Variants in PGM1 observed in about 807,000 individuals in gnomAD.
The protein encoded by PGM1 is phosphoglucomutase-1.
PGM1 carries 52 observed loss-of-function variants against 55.6 expected under a neutral mutation model. That is an observed-to-expected ratio of 0.94 (90% confidence interval 0.75 to 1.18). The LOEUF (loss-of-function observed/expected upper bound fraction) is 1.18, where lower values mean the gene tolerates loss of function less well. PGM1 is among the 50% of genes most tolerant of loss of function. The probability of loss-of-function intolerance (pLI) is 0.00; values close to 1 mark genes in which losing one functional copy is unlikely to be tolerated. For synonymous variants in PGM1, 287 were observed against 271.7 expected (o/e 1.06, Z -0.55); for missense variants, 724 against 729.3 (o/e 0.99, Z 0.08).
chr1:63,633,197 G>C (rs1446684207), intron 4 of PGM1, among the ~76,000 whole-genome samples: 2 of 152,176 alleles, frequency 1.3e-5, no homozygotes, highest in Non-Finnish European at 2.9e-5. Flanking sequence ...GATCTAGAGT[G>C]ATGAAAAATC....
chr1:63,645,969 C>G (rs943863721), intron 7 of PGM1, among the ~76,000 whole-genome samples: 5 of 152,160 alleles, frequency 3.3e-5, no homozygotes, highest in African/African-American at 9.7e-5. Context: ...ATGGTTGAGA[C>G]TCGAGGAGGC....
intron 4 of PGM1, among the ~76,000 whole-genome samples, chr1:63,633,934 T>TA (rs1649287176): frequency 4.2e-4 from 13 of 30,852 alleles, no homozygotes; most frequent in South Asian, 1.3e-3. Context: ...ATATATATAT[T>TA]TTTTTTTTTT....
chr1:63,639,439 C>A (rs1241680928), intron 7 of PGM1, among the ~76,000 whole-genome samples: 1 of 151,752 alleles, frequency 6.6e-6, no homozygotes, highest in Non-Finnish European at 1.5e-5. Context: ...CTGCGCTCTC[C>A]TTCCTCCTCT....
At chr1:63,647,824 C>T (rs1649696248) in intron 7 of PGM1, among the ~76,000 whole-genome samples, 1 of 152,134 alleles carries the variant, frequency 6.6e-6, no homozygotes, top group African/African-American at 2.4e-5. Context: ...TTGTAATGGT[C>T]ATGTTCTTCT....
intron 1 of PGM1, among the ~76,000 whole-genome samples, chr1:63,601,654 C>T (rs897141846): frequency 4.6e-5 from 7 of 152,292 alleles, no homozygotes; most frequent in African/African-American, 1.4e-4. Context: ...GAAGACTTTT[C>T]TCCCCTGGGG....
At chr1:63,615,550 C>CTTCTTTTTTTT (rs1648687863) in intron 1 of PGM1, among the ~76,000 whole-genome samples, 2 of 62,976 alleles carry the variant, frequency 3.2e-5, no homozygotes, top group African/African-American at 1.3e-4. Context: ...TCTTCTTCTT[C>CTTCTTTTTTTT]TTTTTTTTTT....
intron 1 of PGM1, among the ~76,000 whole-genome samples, chr1:63,625,935 T>C (rs1649003920): frequency 6.6e-6 from 1 of 152,152 alleles, no homozygotes; most frequent in African/African-American, 2.4e-5. Flanking sequence ...ATGTGCATGA[T>C]TACAGGACAA....
rs2100982568 is a variant in PGM1 at position 63,630,211 on chromosome 1, G to A, written c.556+123G>A. 2.3e-5 allele frequency: 23 copies of A among 1,010,884 alleles called. No homozygotes were observed. The South Asian group carries it at 3.0e-4, about 13-fold the overall frequency. The allele number at this position is 1,010,884 out of a possible 1,614,324, so 62.6% of individuals were successfully genotyped here. ...TTTCCGTGAGTGCTCTGTAAGCTTT[G>A]CAAGTGTTAGTTAATTAACAAGTCT... On this transcript the variant is annotated intron_variant, in intron 3 of 10. Transcript: ENST00000371084.
chr1:63,648,205 A>T (rs578125172), intron 7 of PGM1, among the ~76,000 whole-genome samples: 3 of 152,278 alleles, frequency 2.0e-5, no homozygotes, highest in Admixed American at 2.0e-4. Flanking sequence ...CATGGCTGGG[A>T]GGCCTCAGGA....
Position 63,616,816 on chromosome 1 carries a change from T to G in PGM1, c.247-12609T>G, listed in dbSNP as rs1431522205. ...CTTGTAATTCTTCTGACCTTGTACC[T>G]TCTTCCAATTTTAATGTAATTTCTC... On this transcript the variant is annotated intron_variant, in intron 1 of 10. Transcript: ENST00000371084. Among the ~76,000 whole-genome samples, 4 of 152,220 alleles carry G rather than the reference T, an allele frequency of 2.6e-5. No homozygotes were observed. The East Asian group carries it at 7.7e-4, about 29-fold the overall frequency.
chr1:63,636,486 A>C, intron 6 of PGM1, 98 bp downstream of exon 6: 1 of 1,227,688 alleles, frequency 8.1e-7, no homozygotes, highest in African/African-American at 1.5e-5. Flanking sequence ...CCCTTTCAGC[A>C]TGGGCATCTG....
intron 1 of PGM1, chr1:63,594,271 C>A (rs886893729): frequency 3.1e-6 from 1 of 325,712 alleles, no homozygotes. Context: ...GGCGAGAGCA[C>A]CCATCCCCCT....
intron 1 of PGM1, 200 bp downstream of exon 1, chr1:63,593,934 C>A: frequency 8.1e-7 from 1 of 1,230,284 alleles, no homozygotes; most frequent in Non-Finnish European, 1.0e-6. Context: ...AAAGTGGCCA[C>A]GGGACCCGGC....
chr1:63,617,643 G>A (rs1337602076), intron 1 of PGM1, among the ~76,000 whole-genome samples: 6 of 143,386 alleles, frequency 4.2e-5, no homozygotes, highest in Non-Finnish European at 9.0e-5. Context: ...GCTGAGGCAC[G>A]AGAATTGCTT....
intron 1 of PGM1, among the ~76,000 whole-genome samples, chr1:63,608,261 G>A (rs1648477182): frequency 6.6e-6 from 1 of 152,236 alleles, no homozygotes; most frequent in Admixed American, 6.5e-5. Context: ...TCTGCTTTCT[G>A]CAGCCTACCG....
intron 1 of PGM1, among the ~76,000 whole-genome samples, chr1:63,613,800 A>T (rs1648633424): frequency 6.6e-6 from 1 of 151,406 alleles, no homozygotes. Flanking sequence ...TTTTGTACAG[A>T]CACCAAAGCA....
chr1:63,650,332 CT>C (rs1649773204), intron 8 of PGM1, among the ~76,000 whole-genome samples: 1 of 152,192 alleles, frequency 6.6e-6, no homozygotes, highest in Non-Finnish European at 1.5e-5. Context: ...GCTCATCTGT[CT>C]GATTGCAAAA....
intron 10 of PGM1, 31 bp downstream of exon 10, chr1:63,654,497 C>G (rs1649908535): frequency 6.2e-7 from 1 of 1,611,550 alleles, no homozygotes; most frequent in African/African-American, 1.3e-5. Context: ...CTGGTTAGTT[C>G]TTTCTGTTCA....
intron 1 of PGM1, among the ~76,000 whole-genome samples, chr1:63,598,161 A>G (rs1198868621): frequency 6.6e-6 from 1 of 152,094 alleles, no homozygotes; most frequent in Non-Finnish European, 1.5e-5. Context: ...TTTTGTAGAG[A>G]TGGGGTTTCA....
Sources: allele counts gnomAD v4.1 joint callset (sites outside exome capture counted in the v4.1 genomes callset), GRCh38; gene constraint gnomAD v4.1.1; transcripts MANE v1.5; gene names NCBI Gene and HGNC (gene_info 2026-07-23, HGNC 2026-07-21).